KCNN1: variants seen among roughly 807,000 people sequenced by gnomAD.
KCNN1 encodes the protein potassium calcium-activated channel subfamily N member 1.
KCNN1 carries 20 observed loss-of-function variants against 44.7 expected under a neutral mutation model. The observed-to-expected ratio is 0.45, with a 90% CI of 0.32 to 0.65. The LOEUF is 0.65. KCNN1 is among the 30% of genes least tolerant of loss of function. The pLI is 0.05. For synonymous variants in KCNN1, 324 were observed against 341.7 expected (o/e 0.95, Z 0.57); for missense variants, 632 against 785.3 (o/e 0.80, Z 2.33).
chr19:17,956,897 T>C (rs1323652549), intron 2 of KCNN1, among the ~76,000 whole-genome samples: 1 of 151,258 alleles, frequency 6.6e-6, no homozygotes, highest in Non-Finnish European at 1.5e-5. Context: ...ATACAAAAAA[T>C]TAGCCAGGGG....
intron 2 of KCNN1, among the ~76,000 whole-genome samples, chr19:17,958,650 C>T (rs1047345849): frequency 5.3e-5 from 8 of 151,416 alleles, no homozygotes; most frequent in Non-Finnish European, 8.8e-5. Flanking sequence ...GCCACCGTGC[C>T]CGGCTAATTT....
intron 9 of KCNN1, among the ~76,000 whole-genome samples, chr19:17,997,919 A>G (rs1233675385): frequency 6.8e-6 from 1 of 148,062 alleles, no homozygotes; most frequent in African/African-American, 2.5e-5. Flanking sequence ...AAAAAAAGAG[A>G]GAAAGAAAAG....
intron 3 of KCNN1, among the ~76,000 whole-genome samples, chr19:17,980,085 CAA>C (rs1045568077): frequency 6.8e-6 from 1 of 147,992 alleles, no homozygotes; most frequent in African/African-American, 2.5e-5. Flanking sequence ...TTTATCGAGA[CAA>C]GAGTCTCACT....
At chr19:17,997,847 G>T (rs763973235) in intron 9 of KCNN1, among the ~76,000 whole-genome samples, 8 of 151,630 alleles carry the variant, frequency 5.3e-5, no homozygotes, top group African/African-American at 9.7e-5. Flanking sequence ...GTAATGAGCC[G>T]AGATTGGGCC....
chr19:17,955,834 G>A (rs1013939911), intron 2 of KCNN1, among the ~76,000 whole-genome samples: 18 of 145,468 alleles, frequency 1.2e-4, no homozygotes, highest in Admixed American at 2.1e-4. Context: ...TCGTGGTCTC[G>A]CTGGAGACAG....
intron 1 of KCNN1, among the ~76,000 whole-genome samples, chr19:17,970,618 G>C (rs962558962): frequency 6.6e-6 from 1 of 151,584 alleles, no homozygotes; most frequent in African/African-American, 2.4e-5. Context: ...CGCCCAGCCA[G>C]TTTTGCCATG....
At position 17,999,979 on chromosome 19, in the gene KCNN1, T is replaced by C. The variant is rs1481665857; in HGVS notation, c.*1573T>C. On this transcript the variant is annotated 3_prime_UTR_variant, in exon 10 of 10. Transcript: ENST00000684775. ...CCCCTCTGGGGCCTTGGTTGTTTCATCTGTAAAATGGGGTGACAGTCTATT... is the reference window on the plus strand; with the variant it reads ...CCCCTCTGGGGCCTTGGTTGTTTCACCTGTAAAATGGGGTGACAGTCTATT... The C allele has an allele frequency of 2.2e-6, 1 of 455,814 alleles. No individual in the cohort carries two copies. Among genetic ancestry groups the C allele is most frequent in the African/African-American group, 2.0e-5 (1 of 50,058 alleles). The allele number at this position is 455,814 out of a possible 1,614,324, so 28.2% of individuals were successfully genotyped here.
upstream of KCNN1, among the ~76,000 whole-genome samples, chr19:17,965,383 G>A (rs112222591): frequency 7.6e-3 from 1,162 of 152,296 alleles, 7 homozygotes; most frequent in African/African-American, 0.026. Context: ...CTCCTGCAAG[G>A]GCTGGGTTGA....
At chr19:17,982,464 G>T (rs2032451165) in intron 4 of KCNN1, 10 of 778,562 alleles carry the variant, frequency 1.3e-5, no homozygotes, top group Non-Finnish European at 1.6e-5. Context: ...GCCCCGGGGG[G>T]CGCAGGCAGC....
intron 7 of KCNN1, among the ~76,000 whole-genome samples, chr19:17,990,786 T>G (rs892681621): frequency 1.6e-4 from 20 of 125,250 alleles, no homozygotes; most frequent in East Asian, 4.5e-4. Flanking sequence ...GGCGACAGAG[T>G]GAGACTCTGT....
At chr19:17,973,135 T>C (rs978524116) in intron 1 of KCNN1, among the ~76,000 whole-genome samples, 2 of 152,134 alleles carry the variant, frequency 1.3e-5, no homozygotes, top group Admixed American at 1.3e-4. Context: ...TTATTTGTTT[T>C]TGTTTTTGTT....
intron 5 of KCNN1, among the ~76,000 whole-genome samples, chr19:17,986,161 C>T (rs2032587210): frequency 6.6e-6 from 1 of 151,564 alleles, no homozygotes; most frequent in African/African-American, 2.4e-5. Flanking sequence ...GTCAGGAGTT[C>T]AAGACCAGCC....
intron 1 of KCNN1, among the ~76,000 whole-genome samples, chr19:17,968,213 G>C (rs571417168): frequency 1.1e-4 from 17 of 152,232 alleles, no homozygotes; most frequent in African/African-American, 3.1e-4. Flanking sequence ...AGTTTCTGCT[G>C]TGTGCTGATC....
rs1347722099 is a variant in KCNN1 at position 17,993,378 on chromosome 19, T to G, written c.1308-112T>G. 3 of 784,112 alleles carry G rather than the reference T, an allele frequency of 3.8e-6. No individual in the cohort carries two copies. The highest frequency in any genetic ancestry group is 6.6e-6 in the Non-Finnish European group (3 of 456,590). The allele number at this position is 784,112 out of a possible 1,614,324, so 48.6% of individuals were successfully genotyped here. On this transcript the variant is annotated intron_variant, in intron 8 of 9. Coordinates refer to ENST00000684775, the MANE Select transcript of KCNN1 (RefSeq NM_001386974.1). The surrounding 1 kb of genome is among the most constrained non-coding windows in gnomAD (Gnocchi z 4.5). Reference sequence around the variant, plus strand: ...CGGCCTCCCAACTCCCACCTCATCCTCTGATGCATGTCCCATAGGTGACCC... The same window carrying G: ...CGGCCTCCCAACTCCCACCTCATCCGCTGATGCATGTCCCATAGGTGACCC...
Position 17,983,116 on chromosome 19 carries a change from G to T in KCNN1, c.917+989G>T, listed in dbSNP as rs1374158128. ...AGTCTGTTGTAAATACCCCTAGGAG[G>T]TGGTGGACCATCAACCCGATTTACA... is the stretch of plus-strand genomic sequence containing the variant. On this transcript the variant is annotated intron_variant, in intron 4 of 9. Transcript: ENST00000684775. This position sits in a 1 kb window ranked among gnomAD's most constrained non-coding sequence, Gnocchi z 4.5. 6.6e-6 allele frequency among the ~76,000 whole-genome samples: 1 copy of T among 152,168 alleles called. No individual in the cohort carries two copies. Among genetic ancestry groups the T allele is most frequent in the African/African-American group, 2.4e-5 (1 of 41,444 alleles).
Position 17,993,128 on chromosome 19 carries a change from G to T in KCNN1, c.1307+66G>T. The T allele has an allele frequency of 1.3e-6, 2 of 1,593,280 alleles. No individual in the cohort carries two copies. Among genetic ancestry groups the T allele is most frequent in the Non-Finnish European group, 1.7e-6 (2 of 1,162,912 alleles). ...GGGGTGCATGGTGGTCACAGACAGG[G>T]GGTACACCCGGGGCATGCCAACCCC... On this transcript the variant is annotated intron_variant, in intron 8 of 9. Coordinates refer to ENST00000684775, the MANE Select transcript of KCNN1 (RefSeq NM_001386974.1). The surrounding 1 kb of genome is among the most constrained non-coding windows in gnomAD (Gnocchi z 4.5).
rs60134891 is a variant in KCNN1, at chr19:17,961,586, C to CTTTT, written c.-82+6915_-82+6918dup. ...ATTTTCTTTCTTTCTTTCTTTCTTT[C>CTTTT]TTTTTTTTTTTTTGAGACGGAGTCT... On this transcript the variant is annotated intron_variant, in intron 2 of 10. Coordinates refer to the KCNN1 transcript ENST00000222249. Among the ~76,000 whole-genome samples, 709 of 130,012 alleles carry CTTTT rather than the reference C, an allele frequency of 5.5e-3. 6 individuals carry two copies. The highest frequency in any genetic ancestry group is 0.011 in the South Asian group (46 of 4,236). The allele number at this position is 130,012 out of a possible 152,430, so 85.3% of individuals were successfully genotyped here.
rs1481665857 is a variant in KCNN1, at chr19:17,999,979, T to A, written c.*1573T>A. ...CCCCTCTGGGGCCTTGGTTGTTTCA[T>A]CTGTAAAATGGGGTGACAGTCTATT... On this transcript the variant is annotated 3_prime_UTR_variant, in exon 10 of 10. Coordinates refer to ENST00000684775, the MANE Select transcript of KCNN1 (RefSeq NM_001386974.1). 1 of 455,814 alleles carries A rather than the reference T, an allele frequency of 2.2e-6. No homozygotes were observed. Among genetic ancestry groups the A allele is most frequent in the African/African-American group, 2.0e-5 (1 of 50,058 alleles). 28.2% of individuals were successfully genotyped at this position (455,814 alleles called of 1,614,324 possible). A position where few individuals can be genotyped will look rare whatever the true frequency, so the allele number is the denominator to read the frequency against.
intron 6 of KCNN1, among the ~76,000 whole-genome samples, chr19:17,989,213 T>G (rs924004549): frequency 2.6e-5 from 4 of 152,072 alleles, no homozygotes; most frequent in Non-Finnish European, 2.9e-5. Context: ...ATCCCAGCAC[T>G]TTAGGAGGCC....
Sources: allele counts gnomAD v4.1 joint callset (sites outside exome capture counted in the v4.1 genomes callset), GRCh38; gene constraint gnomAD v4.1.1; non-coding constraint Gnocchi (gnomAD v3.1); transcripts MANE v1.5; gene names NCBI Gene and HGNC (gene_info 2026-07-23, HGNC 2026-07-21).